The following UNC79 variants were observed in gnomAD, a reference collection of about 807,000 sequenced individuals.
The protein encoded by UNC79 is protein unc-79 homolog.
Under a neutral mutation model 283.1 loss-of-function variants are expected in UNC79, and 37 were observed. The observed-to-expected ratio is 0.13, with a 90% CI of 0.10 to 0.17. The LOEUF is 0.17. Ranked by LOEUF, UNC79 falls within the 10% of genes least tolerant of loss-of-function variation. UNC79 has a pLI of 1.00. For synonymous variants in UNC79, 1,107 were observed against 1,200.2 expected, an observed-to-expected ratio of 0.92 and a Z score of 1.61; for missense variants, 2,272 against 3,211.1, an observed-to-expected ratio of 0.71 and a Z score of 7.07.
At chr14:93,546,218 C>A (rs879877118) in intron 14 of UNC79, among the ~76,000 whole-genome samples, 1 of 152,230 alleles carries the variant, frequency 6.6e-6, no homozygotes, top group Non-Finnish European at 1.5e-5. Flanking sequence ...GGCTCCTTTC[C>A]TCCTCATAGC....
intron 1 of UNC79, among the ~76,000 whole-genome samples, chr14:93,367,481 T>C (rs1045801580): frequency 6.6e-6 from 1 of 152,080 alleles, no homozygotes; most frequent in Admixed American, 6.6e-5. Flanking sequence ...AAAAAAAGGG[T>C]ATTCCTTCAA....
At chr14:93,476,609 G>T (rs1005070407) in intron 3 of UNC79, among the ~76,000 whole-genome samples, 1 of 152,122 alleles carries the variant, frequency 6.6e-6, no homozygotes, top group Non-Finnish European at 1.5e-5. Flanking sequence ...TCCAAAGAAG[G>T]TTCATCTGCT....
chr14:93,372,317 C>G (rs944299811), intron 1 of UNC79, among the ~76,000 whole-genome samples: 1 of 152,086 alleles, frequency 6.6e-6, no homozygotes. Context: ...AAACACTAAA[C>G]CAACTCTATT....
In UNC79 at chr14:93,678,235, G is replaced by C. The variant is rs149609045; in HGVS notation, c.6742-4382G>C. Among the ~76,000 whole-genome samples, 44 of 152,286 alleles carry C rather than the reference G, an allele frequency of 2.9e-4. No individual in the cohort carries two copies. In the East Asian group the frequency reaches 7.3e-3, roughly 25 times the overall value. ...GTGACCATCATCTGAAGGCCACCCA[G>C]TGAGGATGGGTTTAGTTAACTGAAA... On this transcript the variant is annotated intron_variant, in intron 41 of 48. Transcript: ENST00000555664.
intron 1 of UNC79, among the ~76,000 whole-genome samples, chr14:93,360,917 C>A (rs6575324): frequency 0.14 from 21,307 of 152,010 alleles, 1,739 homozygotes; most frequent in African/African-American, 0.22. Flanking sequence ...CTTCTACAAC[C>A]AAGAAAGAGG....
chr14:93,601,872 C>T lies in UNC79; in HGVS notation c.3574+1102C>T, dbSNP rs574809265. ...TAATTAGTGATGTTGAGCATTTTTT[C>T]ATATGTTTGTTGGCCGTTTGTATAT... On this transcript the variant is annotated intron_variant, in intron 25 of 48. Coordinates refer to ENST00000555664, the Ensembl canonical transcript of UNC79. Among the ~76,000 whole-genome samples the T allele has an allele frequency of 2.0e-5, 3 of 152,124 alleles. No individual in the cohort carries two copies. The South Asian group carries it at 6.2e-4, about 32-fold the overall frequency.
At chr14:93,336,940 T>C (rs1191493483) in intron 1 of UNC79, among the ~76,000 whole-genome samples, 1 of 152,078 alleles carries the variant, frequency 6.6e-6, no homozygotes, top group Non-Finnish European at 1.5e-5. Flanking sequence ...ATGAATGGCT[T>C]CACACTATCC....
chr14:93,336,754 A>G (rs566495012), intron 1 of UNC79, among the ~76,000 whole-genome samples: 1 of 152,372 alleles, frequency 6.6e-6, no homozygotes, highest in African/African-American at 2.4e-5. Context: ...GAAAACATTA[A>G]TCATGAAGAC....
intron 47 of UNC79, among the ~76,000 whole-genome samples, chr14:93,700,161 AT>A (rs199921220): frequency 0.026 from 3,723 of 144,842 alleles, 109 homozygotes; most frequent in African/African-American, 0.077. Flanking sequence ...TGTCATTCTT[AT>A]CTTTTTTGTC....
chr14:93,669,726 G>C (rs1235782869), intron 40 of UNC79, among the ~76,000 whole-genome samples: 6 of 152,114 alleles, frequency 3.9e-5, no homozygotes, highest in Non-Finnish European at 8.8e-5. Flanking sequence ...GCGCATGCCT[G>C]TAGTTCCAGC....
intron 5 of UNC79, 116 bp from the exon 6 acceptor site, chr14:93,496,295 A>G: frequency 1.6e-6 from 1 of 622,704 alleles, no homozygotes; most frequent in Non-Finnish European, 2.6e-6. Flanking sequence ...GTTATTTCTA[A>G]TTTAATGATT....
chr14:93,598,211 GA>G (rs2065219992), intron 24 of UNC79, among the ~76,000 whole-genome samples: 1 of 151,764 alleles, frequency 6.6e-6, no homozygotes, highest in African/African-American at 2.4e-5. Flanking sequence ...GGCTCGTCTT[GA>G]ACTCCTGGCC....
intron 1 of UNC79, among the ~76,000 whole-genome samples, chr14:93,371,979 G>A (rs1009770716): frequency 3.3e-5 from 5 of 152,158 alleles, no homozygotes; most frequent in Non-Finnish European, 7.3e-5. Context: ...ATCTTCAAAG[G>A]TTAAGAAGAA....
chr14:93,602,895 C>T (rs565801381), intron 25 of UNC79, among the ~76,000 whole-genome samples: 64 of 152,286 alleles, frequency 4.2e-4, no homozygotes, highest in African/African-American at 1.5e-3. Flanking sequence ...CCCACCATGG[C>T]CTCCCAAAGT....
At chr14:93,352,900 G>A (rs11622997) in intron 1 of UNC79, among the ~76,000 whole-genome samples, 24,535 of 152,144 alleles carry the variant, frequency 0.16, 2,161 homozygotes, top group East Asian at 0.31. Context: ...TACCTTAAAC[G>A]TGCTCAGAAC....
chr14:93,493,895 A>ATTTT (rs1294529990), intron 5 of UNC79, among the ~76,000 whole-genome samples: 23 of 35,544 alleles, frequency 6.5e-4, no homozygotes, highest in African/African-American at 1.5e-3. Flanking sequence ...ATATATATAT[A>ATTTT]TATATATTTT....
At chr14:93,357,676 C>CATATATATATATATATATATATATAT (rs60284787) in intron 1 of UNC79, among the ~76,000 whole-genome samples, 1 of 32,348 alleles carries the variant, frequency 3.1e-5, no homozygotes, top group Non-Finnish European at 5.7e-5. Context: ...AATAAACTCC[C>CATATATATATATATATATATATATAT]ATATATATAT....
chr14:93,419,611 T>C (rs765407531), intron 1 of UNC79, among the ~76,000 whole-genome samples: 3 of 151,880 alleles, frequency 2.0e-5, no homozygotes, highest in Non-Finnish European at 1.5e-5. Flanking sequence ...TAGAGTTTTA[T>C]TGGTTTTCTT....
intron 14 of UNC79, among the ~76,000 whole-genome samples, chr14:93,553,749 G>C (rs2062014989): frequency 6.6e-6 from 1 of 152,138 alleles, no homozygotes; most frequent in South Asian, 2.1e-4. Context: ...TCTAAAAAAA[G>C]CTAAACACCA....
Sources: allele counts gnomAD v4.1 joint callset (sites outside exome capture counted in the v4.1 genomes callset), GRCh38; gene constraint gnomAD v4.1.1; transcripts MANE v1.5; gene names NCBI Gene and HGNC (gene_info 2026-07-23, HGNC 2026-07-21).